The following FBXO34 variants were observed in gnomAD, a reference collection of about 807,000 sequenced individuals.
FBXO34 encodes F-box protein 34, also known as F-box only protein 34.
A neutral mutation model predicts 24.5 loss-of-function variants in FBXO34; 12 were observed. That is an observed-to-expected ratio of 0.49 (90% CI 0.31 to 0.79). The LOEUF (loss-of-function observed/expected upper bound fraction) is 0.79. Ranked by LOEUF, FBXO34 falls within the 30% of genes least tolerant of loss-of-function variation. The pLI is 0.04. For synonymous variants in FBXO34, 320 were observed against 311.9 expected (o/e 1.03, Z -0.27); for missense variants, 823 against 857.7 (o/e 0.96, Z 0.51).
At chr14:55,304,540 A>G (rs1287879319) in intron 1 of FBXO34, among the ~76,000 whole-genome samples, 2 of 152,050 alleles carry the variant, frequency 1.3e-5, no homozygotes, top group Non-Finnish European at 2.9e-5. Flanking sequence ...TTGCTCTGTC[A>G]CTCAGGCTGG....
chr14:55,409,913 T>G, the FBXO34 span, among the ~76,000 whole-genome samples: 1 of 152,094 alleles, frequency 6.6e-6, no homozygotes, highest in Non-Finnish European at 1.5e-5. Context: ...AGGAAATAAG[T>G]TTATGTCTCT....
chr14:55,322,551 G>C (rs1241200357), intron 1 of FBXO34, among the ~76,000 whole-genome samples: 1 of 152,000 alleles, frequency 6.6e-6, no homozygotes, highest in Non-Finnish European at 1.5e-5. Context: ...CCCTAGGCTG[G>C]TCTGGAATTC....
At chr14:55,397,557 A>C in the FBXO34 span, 6 of 764,504 alleles carry the variant, frequency 7.8e-6, no homozygotes, top group Non-Finnish European at 1.3e-5. Context: ...TCCTGATAGT[A>C]AATACACGTC....
At chr14:55,334,194 G>C (rs1465363290) in intron 1 of FBXO34, among the ~76,000 whole-genome samples, 2 of 152,138 alleles carry the variant, frequency 1.3e-5, no homozygotes, top group Non-Finnish European at 2.9e-5. Flanking sequence ...GCTCATCTCA[G>C]AGAAAGCAGG....
At chr14:55,380,875 A>G in the FBXO34 span, among the ~76,000 whole-genome samples, 3 of 112,732 alleles carry the variant, frequency 2.7e-5, no homozygotes, top group African/African-American at 3.8e-5. Context: ...ATATATATAT[A>G]TTTTTTTTTT....
chr14:55,306,125 T>G (rs1393346054), intron 1 of FBXO34, among the ~76,000 whole-genome samples: 1 of 152,374 alleles, frequency 6.6e-6, no homozygotes, highest in East Asian at 1.9e-4. Flanking sequence ...ATGCTCAGTT[T>G]GAGTTTGTAG....
intron 1 of FBXO34, chr14:55,298,783 C>A (rs1882233815): frequency 1.2e-6 from 2 of 1,602,068 alleles, no homozygotes; most frequent in East Asian, 4.5e-5. Context: ...AGGCACGGCA[C>A]CAAAAACAAG....
chr14:55,320,870 T>C (rs781667403), intron 1 of FBXO34, among the ~76,000 whole-genome samples: 24 of 152,230 alleles, frequency 1.6e-4, no homozygotes, highest in Non-Finnish European at 3.4e-4. Flanking sequence ...CAGATGGCTG[T>C]TATAAAATGG....
the FBXO34 span, chr14:55,424,336 T>C: frequency 1.2e-6 from 1 of 835,394 alleles, no homozygotes; most frequent in Non-Finnish European, 1.9e-6. Context: ...TATATTAAAG[T>C]GCATATTAAA....
At chr14:55,312,904 A>G (rs1882796682) in intron 1 of FBXO34, among the ~76,000 whole-genome samples, 1 of 152,206 alleles carries the variant, frequency 6.6e-6, no homozygotes, top group Non-Finnish European at 1.5e-5. Context: ...TTTCCCCATC[A>G]TCTTAGCAAT....
intron 1 of FBXO34, among the ~76,000 whole-genome samples, chr14:55,306,528 C>T (rs763128802): frequency 3.7e-4 from 57 of 152,288 alleles, no homozygotes; most frequent in Admixed American, 2.4e-3. Context: ...CGTGGTCTTT[C>T]AAACTTTTGT....
At chr14:55,393,370 G>A in the FBXO34 span, among the ~76,000 whole-genome samples, 12 of 151,718 alleles carry the variant, frequency 7.9e-5, no homozygotes, top group Admixed American at 1.3e-4. Flanking sequence ...GGGTGACAGA[G>A]CGAGACTCTG....
At chr14:55,390,917 C>T in the FBXO34 span, 6 of 1,591,398 alleles carry the variant, frequency 3.8e-6, no homozygotes, top group Admixed American at 1.7e-5. Context: ...TTACTTTTCT[C>T]CATTTCTTCA....
At chr14:55,427,773 A>T in the FBXO34 span, among the ~76,000 whole-genome samples, 1 of 151,944 alleles carries the variant, frequency 6.6e-6, no homozygotes, top group Non-Finnish European at 1.5e-5. Flanking sequence ...AAGGCTAGAG[A>T]TATTCCCTAG....
the FBXO34 span, among the ~76,000 whole-genome samples, chr14:55,403,527 G>T: frequency 6.6e-6 from 1 of 151,936 alleles, no homozygotes; most frequent in East Asian, 1.9e-4. Flanking sequence ...AAATAAAAGG[G>T]ATAGTCATAT....
chr14:55,336,866 A>ACG (rs201040816), intron 1 of FBXO34, among the ~76,000 whole-genome samples: 3 of 146,398 alleles, frequency 2.0e-5, no homozygotes, highest in Non-Finnish European at 3.0e-5. Flanking sequence ...ATATACATGC[A>ACG]CGCACACACA....
the FBXO34 span, chr14:55,411,972 T>A: frequency 4.2e-6 from 3 of 710,038 alleles, no homozygotes; most frequent in Non-Finnish European, 6.9e-6. Flanking sequence ...CGGGCACTGT[T>A]GTTTTTCCGG....
chr14:55,310,126 G>A (rs1324846594), intron 1 of FBXO34, among the ~76,000 whole-genome samples: 2 of 152,148 alleles, frequency 1.3e-5, no homozygotes, highest in Non-Finnish European at 2.9e-5. Flanking sequence ...GATGGGGATG[G>A]ATGGAGGTAG....
the FBXO34 span, among the ~76,000 whole-genome samples, chr14:55,433,960 A>G: frequency 1.3e-5 from 2 of 152,150 alleles, no homozygotes; most frequent in African/African-American, 2.4e-5. Flanking sequence ...TTCAGTTCCT[A>G]TTTATTCTCA....
Sources: gnomAD v4.1 joint callset for allele counts (sites outside exome capture counted in the v4.1 genomes callset) on GRCh38, gnomAD v4.1.1 for gene constraint, MANE v1.5 for transcripts, NCBI Gene and HGNC (gene_info 2026-07-23, HGNC 2026-07-21) for gene names.